Variants in ZNF385B observed in about 807,000 individuals in gnomAD.
ZNF385B encodes the protein zinc finger protein 385B, also known as zinc finger protein 533.
A neutral mutation model predicts 39.2 loss-of-function variants in ZNF385B; 23 were observed. That is an observed-to-expected ratio of 0.59 (90% CI 0.42 to 0.83). ZNF385B has a LOEUF of 0.83. Ranked by LOEUF, ZNF385B falls within the 40% of genes least tolerant of loss-of-function variation. The pLI is 0.00. For missense variants in ZNF385B, 552 were observed against 598.9 expected, an observed-to-expected ratio of 0.92 and a Z score of 0.82; for synonymous variants, 205 against 222.6, an observed-to-expected ratio of 0.92 and a Z score of 0.70.
intron 1 of ZNF385B, among the ~76,000 whole-genome samples, chr2:179,798,283 A>G (rs1705805769): frequency 6.6e-6 from 1 of 152,014 alleles, no homozygotes; most frequent in Non-Finnish European, 1.5e-5. Context: ...CCCCAGCCCT[A>G]GAATCAACCA....
chr2:179,578,383 C>T (rs534354880), intron 3 of ZNF385B, among the ~76,000 whole-genome samples: 1 of 152,070 alleles, frequency 6.6e-6, no homozygotes, highest in Admixed American at 6.6e-5. Context: ...TAAGCCATAT[C>T]TTAAAACTGT....
chr2:179,628,361 T>C (rs1234300684), intron 3 of ZNF385B, among the ~76,000 whole-genome samples: 4 of 152,208 alleles, frequency 2.6e-5, no homozygotes, highest in Admixed American at 6.5e-5. Context: ...CCCCCTTTTT[T>C]ATCTTTTGCC....
intron 3 of ZNF385B, among the ~76,000 whole-genome samples, chr2:179,758,941 C>T (rs1016669179): frequency 1.3e-5 from 2 of 152,106 alleles, no homozygotes; most frequent in South Asian, 2.1e-4. Flanking sequence ...AAGCTTCTGC[C>T]GACCTTTCCA....
intron 1 of ZNF385B, among the ~76,000 whole-genome samples, chr2:179,798,197 G>A (rs561410031): frequency 6.6e-6 from 1 of 151,850 alleles, no homozygotes; most frequent in East Asian, 1.9e-4. Flanking sequence ...GTAAGAGCCT[G>A]TTCAAATGGA....
intron 1 of ZNF385B, among the ~76,000 whole-genome samples, chr2:179,775,283 T>C (rs927784572): frequency 3.9e-5 from 6 of 152,316 alleles, no homozygotes; most frequent in Admixed American, 6.5e-5. Flanking sequence ...CAATATGCTA[T>C]ACTTGGCCCT....
chr2:179,503,878 C>CTT (rs534423777), intron 5 of ZNF385B, among the ~76,000 whole-genome samples: 11 of 120,314 alleles, frequency 9.1e-5, no homozygotes, highest in Non-Finnish European at 1.6e-4. Flanking sequence ...TTTTTTCATT[C>CTT]TTTTTTTTTT....
intron 3 of ZNF385B, 31 bp from the exon 4 acceptor site, chr2:179,545,000 T>A (rs574911298): frequency 6.2e-7 from 1 of 1,613,132 alleles, no homozygotes; most frequent in Admixed American, 1.7e-5. Context: ...ATGAATTCAA[T>A]TTCTTGCTCA....
chr2:179,516,769 C>T (rs2058116655), intron 5 of ZNF385B, among the ~76,000 whole-genome samples: 1 of 151,888 alleles, frequency 6.6e-6, no homozygotes, highest in African/African-American at 2.4e-5. Flanking sequence ...TGATAAAGTC[C>T]AATATATCAA....
chr2:179,701,220 C>A (rs983522518), intron 3 of ZNF385B, among the ~76,000 whole-genome samples: 3 of 152,236 alleles, frequency 2.0e-5, no homozygotes, highest in African/African-American at 7.2e-5. Flanking sequence ...TGGCTTCTGG[C>A]AAGAATATCA....
intron 3 of ZNF385B, among the ~76,000 whole-genome samples, chr2:179,698,506 A>C (rs889648964): frequency 1.3e-5 from 2 of 152,236 alleles, no homozygotes; most frequent in Admixed American, 6.5e-5. Context: ...TCATTTATTC[A>C]AATCAAATAT....
At chr2:179,449,385 T>C (rs928406006) in intron 6 of ZNF385B, among the ~76,000 whole-genome samples, 1 of 152,134 alleles carries the variant, frequency 6.6e-6, no homozygotes, top group African/African-American at 2.4e-5. Flanking sequence ...CTTAAGCTGA[T>C]AGGTAACTTC....
At chr2:179,738,557 T>C (rs1701904019) in intron 3 of ZNF385B, among the ~76,000 whole-genome samples, 1 of 152,218 alleles carries the variant, frequency 6.6e-6, no homozygotes, top group South Asian at 2.1e-4. Flanking sequence ...TACATCGTTT[T>C]TCACTACTTC....
At chr2:179,443,745 GA>G (rs1235385994) in intron 9 of ZNF385B, among the ~76,000 whole-genome samples, 9 of 151,890 alleles carry the variant, frequency 5.9e-5, no homozygotes, top group Admixed American at 4.6e-4. Flanking sequence ...TGCTCACCAG[GA>G]AAAAAAACAT....
Position 179,442,937 on chromosome 2 carries a change from C to G in ZNF385B, c.*313G>C. 1 of 423,774 alleles carries G rather than the reference C, an allele frequency of 2.4e-6. No individual in the cohort carries two copies. The highest frequency in any genetic ancestry group is 4.3e-6 in the Non-Finnish European group (1 of 230,268). 26.3% of individuals were successfully genotyped at this position (423,774 alleles called of 1,614,324 possible). On this transcript the variant is annotated 3_prime_UTR_variant, in exon 10 of 10. Coordinates refer to ENST00000410066, the MANE Select transcript of ZNF385B (RefSeq NM_152520.6). ...CCATGGAAAAATAGAGAATGGTTTT[C>G]TTTCTTTTTCTTTCTGACCAATACA...
intron 3 of ZNF385B, among the ~76,000 whole-genome samples, chr2:179,601,599 G>A (rs868261099): frequency 1.3e-5 from 2 of 152,106 alleles, no homozygotes; most frequent in Non-Finnish European, 2.9e-5. Context: ...GTGCCCCAGT[G>A]ACTTGAAGAA....
intron 3 of ZNF385B, among the ~76,000 whole-genome samples, chr2:179,721,945 A>G (rs1003724744): frequency 1.3e-5 from 2 of 152,082 alleles, no homozygotes; most frequent in Non-Finnish European, 2.9e-5. Flanking sequence ...TTTGTAGATT[A>G]CATGATTTAT....
At chr2:179,655,146 A>T (rs934578806) in intron 3 of ZNF385B, among the ~76,000 whole-genome samples, 3 of 152,278 alleles carry the variant, frequency 2.0e-5, no homozygotes, top group Admixed American at 1.3e-4. Flanking sequence ...TCTGCTGGAT[A>T]AATGTGTTGC....
intron 3 of ZNF385B, among the ~76,000 whole-genome samples, chr2:179,609,893 C>T (rs78809516): frequency 1.3e-5 from 2 of 152,286 alleles, no homozygotes; most frequent in African/African-American, 4.8e-5. Context: ...CTATTCAGAT[C>T]TTTTGCCCAT....
chr2:179,536,563 A>C (rs971380607), intron 4 of ZNF385B: 4 of 152,230 alleles, frequency 2.6e-5, no homozygotes, highest in African/African-American at 9.7e-5. Flanking sequence ...ATAAAGGACC[A>C]TCAAAGTCTC....
Sources: allele counts gnomAD v4.1 joint callset (sites outside exome capture counted in the v4.1 genomes callset), GRCh38; gene constraint gnomAD v4.1.1; transcripts MANE v1.5; gene names NCBI Gene and HGNC (gene_info 2026-07-23, HGNC 2026-07-21).